Variants in PSIP1 observed in about 807,000 individuals in gnomAD.
PSIP1 encodes the protein PC4 and SRSF1 interacting protein 1, also known as PC4 and SFRS1-interacting protein.
Under a neutral mutation model 74.7 loss-of-function variants are expected in PSIP1, and 19 were observed. The ratio of observed to expected loss-of-function variants is 0.25; its 90% CI spans 0.18 to 0.37. The LOEUF (loss-of-function observed/expected upper bound fraction) is 0.37. Among genes scored for constraint, PSIP1 ranks in the 10% least tolerant of loss-of-function variants. The pLI, the probability that PSIP1 is intolerant of heterozygous loss-of-function variation, is 1.00. For missense variants in PSIP1, 601 were observed against 614.3 expected (o/e 0.98, Z 0.23); for synonymous variants, 222 against 195.3 (o/e 1.14, Z -1.14).
intron 8 of PSIP1, 31 bp from the exon 9 acceptor site, chr9:15,474,268 G>A (rs1183772705): frequency 1.3e-6 from 2 of 1,521,608 alleles, no homozygotes; most frequent in South Asian, 1.2e-5. Flanking sequence ...ATGTATACTT[G>A]TCATTCAACT....
chr9:15,473,915 C>CAAAAAAAAAAAACAA, intron 9 of PSIP1, 94 bp downstream of exon 9: 1 of 598,852 alleles, frequency 1.7e-6, no homozygotes. Context: ...AAAAAAAAAA[C>CAAAAAAAAAAAACAA]AAAAAAAAAA....
intron 6 of PSIP1, among the ~76,000 whole-genome samples, chr9:15,480,949 T>C (rs886543476): frequency 1.2e-4 from 18 of 152,126 alleles, no homozygotes; most frequent in African/African-American, 4.3e-4. Flanking sequence ...AAAACCTTTA[T>C]ATGGCAATTC....
At chr9:15,490,550 G>T (rs1034616461) in intron 3 of PSIP1, among the ~76,000 whole-genome samples, 1 of 151,946 alleles carries the variant, frequency 6.6e-6, no homozygotes, top group Non-Finnish European at 1.5e-5. Flanking sequence ...GGGCGTGGTG[G>T]CGTGCACCTG....
At chr9:15,507,925 CCT>C (rs1273402540) in intron 2 of PSIP1, among the ~76,000 whole-genome samples, 1 of 152,188 alleles carries the variant, frequency 6.6e-6, no homozygotes, top group Non-Finnish European at 1.5e-5. Context: ...GAAGATCACA[CCT>C]GTTATCTCAA....
intron 3 of PSIP1, chr9:15,506,269 A>G (rs897308457): frequency 2.7e-5 from 7 of 261,924 alleles, no homozygotes; most frequent in Non-Finnish European, 5.2e-5. Context: ...CTGTATAGGA[A>G]TATCAGATCA....
intron 2 of PSIP1, among the ~76,000 whole-genome samples, chr9:15,508,256 A>G (rs141352369): frequency 0.011 from 1,648 of 152,310 alleles, 29 homozygotes; most frequent in African/African-American, 0.037. Context: ...TATGGACTCT[A>G]AACTCTACAG....
chr9:15,494,440 C>T (rs1027696154), intron 3 of PSIP1, among the ~76,000 whole-genome samples: 3 of 151,886 alleles, frequency 2.0e-5, no homozygotes, highest in African/African-American at 7.3e-5. Flanking sequence ...TGGCACACAC[C>T]TGTAATCCCA....
Position 15,470,172 on chromosome 9 carries a change from T to C in PSIP1, c.978-179A>G, listed in dbSNP as rs187629764. Among the ~76,000 whole-genome samples, 199 of 152,074 alleles carry C rather than the reference T, an allele frequency of 1.3e-3. 1 individual carries two copies. Among genetic ancestry groups the C allele is most frequent in the Non-Finnish European group, 2.2e-3 (149 of 67,950 alleles). ...CGTAGCATAAATATAAGCAAAACTCTAATTAACATGCTAGATTAAATCATA... is the reference window on the plus strand; with the variant it reads ...CGTAGCATAAATATAAGCAAAACTCCAATTAACATGCTAGATTAAATCATA... On this transcript the variant is annotated intron_variant, in intron 10 of 15. Coordinates refer to ENST00000380733, the MANE Select transcript of PSIP1 (RefSeq NM_033222.5).
rs1407491903 is a variant in PSIP1 at position 15,464,929 on chromosome 9, C to CA, written c.*590dup. 31 of 212,760 alleles carry CA rather than the reference C, an allele frequency of 1.5e-4. No individual in the cohort carries two copies. The highest frequency in any genetic ancestry group is 2.3e-4 in the Non-Finnish European group (24 of 105,366). The allele number at this position is 212,760 out of a possible 1,614,324, so 13.2% of individuals were successfully genotyped here. On this transcript the variant is annotated 3_prime_UTR_variant, in exon 16 of 16. Transcript: ENST00000380733. ...TCAGTTGCTTAATTAGTTGTCATAC[C>CA]AAAAAAAACCATACAGAGCACACAT... is the stretch of plus-strand genomic sequence containing the variant.
chr9:15,464,291 A>G lies in PSIP1; in HGVS notation c.*1229T>C, dbSNP rs2035458861. The G allele has an allele frequency of 5.1e-6, 1 of 194,776 alleles. No individual in the cohort carries two copies. The highest frequency in any genetic ancestry group is 6.1e-5 in the Admixed American group (1 of 16,374). 12.1% of individuals were successfully genotyped at this position (194,776 alleles called of 1,614,324 possible). On this transcript the variant is annotated 3_prime_UTR_variant, in exon 16 of 16. Coordinates refer to ENST00000380733, the MANE Select transcript of PSIP1 (RefSeq NM_033222.5). Reference sequence around the variant, plus strand: ...AGTTATCTCAGAGGGTCAACCACACAATGTCATACAGAGACGCTGGTCTTA... The same window carrying G: ...AGTTATCTCAGAGGGTCAACCACACGATGTCATACAGAGACGCTGGTCTTA...
At chr9:15,483,167 C>T (rs1207249131) in intron 6 of PSIP1, among the ~76,000 whole-genome samples, 1 of 152,166 alleles carries the variant, frequency 6.6e-6, no homozygotes, top group Non-Finnish European at 1.5e-5. Context: ...GAGACTGCAT[C>T]TGTAACTTAC....
At position 15,465,004 on chromosome 9, in the gene PSIP1, A is replaced by AATT; in HGVS notation, c.*513_*515dup. On this transcript the variant is annotated 3_prime_UTR_variant, in exon 16 of 16. Coordinates refer to ENST00000380733, the MANE Select transcript of PSIP1 (RefSeq NM_033222.5). ...AGCACAATGTAGACTGTGAGATTAA[A>AATT]ATTAACTTTTGATAAAAAGGGAGTG... The AATT allele has an allele frequency of 4.5e-6, 1 of 220,208 alleles. No homozygotes were observed. The highest frequency in any genetic ancestry group is 6.8e-5 in the East Asian group (1 of 14,728). 13.6% of individuals were successfully genotyped at this position (220,208 alleles called of 1,614,324 possible). A position where few individuals can be genotyped will look rare whatever the true frequency, so the allele number is the denominator to read the frequency against.
intron 3 of PSIP1, among the ~76,000 whole-genome samples, chr9:15,494,730 G>C (rs2036996882): frequency 6.6e-6 from 1 of 152,000 alleles, no homozygotes; most frequent in Non-Finnish European, 1.5e-5. Context: ...CTAGGATTAA[G>C]GCAAACCAAT....
chr9:15,496,115 CATT>C (rs796309864), intron 3 of PSIP1, among the ~76,000 whole-genome samples: 112 of 152,282 alleles, frequency 7.4e-4, no homozygotes, highest in African/African-American at 2.5e-3. Context: ...TTAAAAGTGA[CATT>C]ATATGCACCT....
In PSIP1 at chr9:15,474,300, G is replaced by A. The variant is rs191958265; in HGVS notation, c.630-63C>T. On this transcript the variant is annotated intron_variant, in intron 8 of 15. Coordinates refer to ENST00000380733, the MANE Select transcript of PSIP1 (RefSeq NM_033222.5). ...AACTATAATAGTATTTTAGATATCA[G>A]TAAGCTATAATTTTTAATTTAAAGG... is the stretch of plus-strand genomic sequence containing the variant. 304 of 1,373,832 alleles carry A rather than the reference G, an allele frequency of 2.2e-4. 1 individual carries two copies. In the East Asian group the frequency reaches 6.6e-3, roughly 30 times the overall value. 85.1% of individuals were successfully genotyped at this position (1,373,832 alleles called of 1,614,324 possible). A position where few individuals can be genotyped will look rare whatever the true frequency, so the allele number is the denominator to read the frequency against.
intron 3 of PSIP1, among the ~76,000 whole-genome samples, chr9:15,496,229 G>A (rs2132177456): frequency 6.6e-6 from 1 of 152,324 alleles, no homozygotes; most frequent in East Asian, 1.9e-4. Flanking sequence ...TAACCATGTT[G>A]TTAGTGGACT....
chr9:15,502,831 TCA>T (rs1417093101), intron 3 of PSIP1, among the ~76,000 whole-genome samples: 1 of 152,228 alleles, frequency 6.6e-6, no homozygotes, highest in Non-Finnish European at 1.5e-5. Context: ...TAGTACATGG[TCA>T]CAGTTAGGGC....
At chr9:15,478,594 T>C in intron 7 of PSIP1, 42 bp from the exon 8 acceptor site, 1 of 1,260,074 alleles carries the variant, frequency 7.9e-7, no homozygotes, top group Non-Finnish European at 1.2e-6. Context: ...TACTAGTTTC[T>C]ATTTAAGATA....
chr9:15,484,530 G>A (rs2132110270), intron 6 of PSIP1, among the ~76,000 whole-genome samples: 1 of 152,052 alleles, frequency 6.6e-6, no homozygotes, highest in South Asian at 2.1e-4. Flanking sequence ...TTCAAGACCA[G>A]CCTGGCCAAC....
Sources: gnomAD v4.1 joint callset for allele counts (sites outside exome capture counted in the v4.1 genomes callset) on GRCh38, gnomAD v4.1.1 for gene constraint, MANE v1.5 for transcripts, NCBI Gene and HGNC (gene_info 2026-07-23, HGNC 2026-07-21) for gene names.